The following CNOT6L variants were observed in gnomAD, a reference collection of about 807,000 sequenced individuals.
The protein encoded by CNOT6L is CCR4-NOT transcription complex subunit 6 like.
A neutral mutation model predicts 64.0 loss-of-function variants in CNOT6L; 7 were observed. The observed-to-expected ratio is 0.11, with a 90% CI of 0.06 to 0.21. The LOEUF is 0.21. CNOT6L is among the 10% of genes least tolerant of loss of function. The pLI is 1.00. For synonymous variants in CNOT6L, 193 were observed against 243.4 expected (o/e 0.79, Z 1.93); for missense variants, 245 against 669.0 (o/e 0.37, Z 6.99).
At chr4:77,808,758 C>T (rs1417414824) in intron 1 of CNOT6L, among the ~76,000 whole-genome samples, 1 of 152,130 alleles carries the variant, frequency 6.6e-6, no homozygotes, top group East Asian at 1.9e-4. Flanking sequence ...ACATCTATCT[C>T]CTCTCTTACT....
upstream of CNOT6L, chr4:77,819,509 A>G (rs1263054908): frequency 2.9e-6 from 3 of 1,040,404 alleles, no homozygotes; most frequent in Non-Finnish European, 1.3e-6. Context: ...GGCGGCACAC[A>G]GGGCCCGTAA....
intron 11 of CNOT6L, 134 bp from the exon 12 acceptor site, chr4:77,720,777 C>T: frequency 2.6e-6 from 2 of 769,990 alleles, no homozygotes; most frequent in Non-Finnish European, 4.2e-6. Flanking sequence ...TCAAATAAGG[C>T]TCAAATATTC....
chr4:77,784,215 C>T (rs530235507), intron 1 of CNOT6L, among the ~76,000 whole-genome samples: 1 of 152,194 alleles, frequency 6.6e-6, no homozygotes, highest in Admixed American at 6.5e-5. Flanking sequence ...TTTCCCATAT[C>T]TGAGATACAA....
intron 10 of CNOT6L, among the ~76,000 whole-genome samples, chr4:77,726,679 T>A (rs1721884037): frequency 6.6e-6 from 1 of 152,214 alleles, no homozygotes; most frequent in Non-Finnish European, 1.5e-5. Context: ...TAGGATGGCA[T>A]TCACCAGGAA....
rs1474895637 is a variant in CNOT6L, at chr4:77,717,314, G to A, written c.*3117C>T. The A allele has an allele frequency of 6.6e-6, 1 of 152,466 alleles. No individual in the cohort carries two copies. The highest frequency in any genetic ancestry group is 1.9e-4 in the East Asian group (1 of 5,188). The allele number at this position is 152,466 out of a possible 1,614,324, so 9.4% of individuals were successfully genotyped here. ...GGTGGATACTGATGCCTGAGAGAGT[G>A]GGTGACTTGACATGCACTTGTATGA... On this transcript the variant is annotated 3_prime_UTR_variant, in exon 12 of 12. Transcript: ENST00000504123.
chr4:77,766,216 G>GTA (rs1210823462), intron 4 of CNOT6L, among the ~76,000 whole-genome samples: 3 of 151,960 alleles, frequency 2.0e-5, no homozygotes, highest in African/African-American at 4.8e-5. Flanking sequence ...GTATGTATAT[G>GTA]TATATATATA....
At chr4:77,778,656 TGGCCTCCCAAAGTGCTGGGATTACA>T (rs1728431972) in intron 1 of CNOT6L, among the ~76,000 whole-genome samples, 1 of 151,698 alleles carries the variant, frequency 6.6e-6, no homozygotes, top group Admixed American at 6.5e-5. Context: ...CCGCCCGCCT[TGGCCTCCCAAAGTGCTGGGATTACA>T]GGCATCCCAA....
chr4:77,758,227 G>T (rs1725783422), intron 4 of CNOT6L, among the ~76,000 whole-genome samples: 1 of 152,108 alleles, frequency 6.6e-6, no homozygotes, highest in East Asian at 1.9e-4. Context: ...CAAAATTAGT[G>T]AAACTGGATT....
chr4:77,726,577 T>C (rs1006208510), intron 10 of CNOT6L, among the ~76,000 whole-genome samples: 6 of 152,212 alleles, frequency 3.9e-5, no homozygotes, highest in African/African-American at 7.2e-5. Flanking sequence ...CAAAGGATGT[T>C]TGCCTATTTC....
intron 4 of CNOT6L, among the ~76,000 whole-genome samples, chr4:77,759,866 A>G (rs757308816): frequency 3.3e-5 from 5 of 152,226 alleles, no homozygotes; most frequent in Non-Finnish European, 7.3e-5. Flanking sequence ...CCAAGTGCAC[A>G]TGAACATTCA....
At chr4:77,792,644 T>G (rs1440855991) in intron 1 of CNOT6L, among the ~76,000 whole-genome samples, 2 of 150,912 alleles carry the variant, frequency 1.3e-5, no homozygotes, top group East Asian at 3.9e-4. Context: ...GAGAATCGCT[T>G]GAACCCAGGA....
intron 7 of CNOT6L, among the ~76,000 whole-genome samples, chr4:77,743,937 T>C (rs1043815367): frequency 3.9e-5 from 6 of 152,106 alleles, no homozygotes; most frequent in Non-Finnish European, 2.9e-5. Context: ...CTTTAAGAAA[T>C]AGTAAGTTTC....
At chr4:77,787,933 G>C (rs1729636779) in intron 1 of CNOT6L, among the ~76,000 whole-genome samples, 1 of 152,166 alleles carries the variant, frequency 6.6e-6, no homozygotes, top group East Asian at 1.9e-4. Context: ...CCACTACATT[G>C]ATCTGCCTCA....
At chr4:77,727,205 C>T (rs2109875122) in intron 10 of CNOT6L, among the ~76,000 whole-genome samples, 1 of 152,198 alleles carries the variant, frequency 6.6e-6, no homozygotes, top group East Asian at 1.9e-4. Flanking sequence ...GTTCTAAGTG[C>T]TTTATTCATG....
chr4:77,745,319 T>C (rs1267483898), intron 6 of CNOT6L, among the ~76,000 whole-genome samples: 1 of 152,112 alleles, frequency 6.6e-6, no homozygotes, highest in African/African-American at 2.4e-5. Flanking sequence ...AGCAGAAGAG[T>C]ATGGACTAAC....
At chr4:77,791,629 CT>C (rs1730157692) in intron 1 of CNOT6L, among the ~76,000 whole-genome samples, 1 of 152,010 alleles carries the variant, frequency 6.6e-6, no homozygotes, top group Admixed American at 6.5e-5. Context: ...TATAATTTCT[CT>C]AAGGCTCATT....
chr4:77,753,492 G>A (rs1036108103), intron 5 of CNOT6L, among the ~76,000 whole-genome samples: 4 of 151,942 alleles, frequency 2.6e-5, no homozygotes, highest in Admixed American at 1.3e-4. Context: ...CCAACATGAC[G>A]AAACCCTGTT....
At chr4:77,738,349 T>C (rs1374042000) in intron 8 of CNOT6L, among the ~76,000 whole-genome samples, 1 of 152,192 alleles carries the variant, frequency 6.6e-6, no homozygotes, top group East Asian at 1.9e-4. Flanking sequence ...TTCATCTTCA[T>C]ATTTTCCCCC....
chr4:77,738,622 G>A (rs1360646078), intron 8 of CNOT6L, among the ~76,000 whole-genome samples: 3 of 151,862 alleles, frequency 2.0e-5, no homozygotes, highest in Admixed American at 6.6e-5. Context: ...GCATGGTGGC[G>A]CATGCCTGTA....
Sources: gnomAD v4.1 joint callset for allele counts (sites outside exome capture counted in the v4.1 genomes callset) on GRCh38, gnomAD v4.1.1 for gene constraint, MANE v1.5 for transcripts, NCBI Gene and HGNC (gene_info 2026-07-23, HGNC 2026-07-21) for gene names.